APP: variants seen among roughly 807,000 people sequenced by gnomAD.
APP encodes the protein amyloid-beta precursor protein.
A neutral mutation model predicts 101.4 loss-of-function variants in APP; 31 were observed. The ratio of observed to expected loss-of-function variants is 0.31; its 90% CI spans 0.23 to 0.41. The LOEUF (loss-of-function observed/expected upper bound fraction) is 0.41, where lower values mean the gene tolerates loss of function less well. Ranked by LOEUF, APP falls within the 10% of genes least tolerant of loss-of-function variation. APP has a pLI of 1.00. For synonymous variants in APP, 366 were observed against 364.4 expected (o/e 1.00, Z -0.05); for missense variants, 839 against 1,003.7 (o/e 0.84, Z 2.22).
intron 13 of APP, among the ~76,000 whole-genome samples, chr21:25,929,641 GA>G (rs1253939180): frequency 6.6e-6 from 1 of 151,972 alleles, no homozygotes; most frequent in Non-Finnish European, 1.5e-5. Flanking sequence ...GAATGAATTG[GA>G]AAAAATGAAA....
At chr21:25,983,757 G>A (rs915685422) in intron 8 of APP, among the ~76,000 whole-genome samples, 5 of 152,214 alleles carry the variant, frequency 3.3e-5, no homozygotes, top group African/African-American at 1.2e-4. Flanking sequence ...GTGGAAGGAA[G>A]GAGGCAGGGC....
chr21:26,132,929 T>C (rs2062824229), intron 1 of APP, among the ~76,000 whole-genome samples: 4 of 152,144 alleles, frequency 2.6e-5, no homozygotes, highest in Admixed American at 2.6e-4. Context: ...TGAAACTCAA[T>C]GTCAAAGAGA....
At chr21:26,093,968 G>A (rs1255992028) in intron 2 of APP, among the ~76,000 whole-genome samples, 1 of 152,032 alleles carries the variant, frequency 6.6e-6, no homozygotes, top group Admixed American at 6.5e-5. Flanking sequence ...ACAAAAATTA[G>A]CTGGGCGTCA....
At chr21:25,975,306 C>T in intron 10 of APP, 78 bp from the exon 11 acceptor site, 1 of 1,574,012 alleles carries the variant, frequency 6.4e-7, no homozygotes, top group Non-Finnish European at 8.7e-7. Context: ...CTAAAAAAGA[C>T]ATCCTATTCC....
chr21:26,145,146 T>C (rs2063128418), intron 1 of APP, among the ~76,000 whole-genome samples: 1 of 152,112 alleles, frequency 6.6e-6, no homozygotes, highest in African/African-American at 2.4e-5. Context: ...GGGAGAACTA[T>C]CAAAAGCTGG....
At chr21:26,161,913 G>T (rs2063498468) in intron 1 of APP, among the ~76,000 whole-genome samples, 1 of 151,316 alleles carries the variant, frequency 6.6e-6, no homozygotes, top group Non-Finnish European at 1.5e-5. Context: ...AGTAGATGAG[G>T]ATTTTTTTTT....
chr21:26,072,971 G>A (rs905254937), intron 3 of APP, among the ~76,000 whole-genome samples: 1 of 152,062 alleles, frequency 6.6e-6, no homozygotes, highest in Non-Finnish European at 1.5e-5. Flanking sequence ...AGGAACTGGT[G>A]TACATCTTAG....
intron 3 of APP, among the ~76,000 whole-genome samples, chr21:26,062,518 T>G (rs916300561): frequency 6.6e-6 from 1 of 151,096 alleles, no homozygotes; most frequent in Non-Finnish European, 1.5e-5. Flanking sequence ...CAAAATTAGC[T>G]GGGCATGGTG....
chr21:26,060,611 C>T (rs1449419432), intron 3 of APP, among the ~76,000 whole-genome samples: 2 of 152,048 alleles, frequency 1.3e-5, no homozygotes, highest in Non-Finnish European at 2.9e-5. Flanking sequence ...ATAGATAAAG[C>T]AGAGAAAGGG....
Position 25,976,039 on chromosome 21 carries a change from A to C in APP, c.1225-11T>G, listed in dbSNP as rs201326163. On this transcript the variant is annotated splice_polypyrimidine_tract_variant and intron_variant, in intron 9 of 17. Transcript: ENST00000346798. ...CCATTCTCTCATGACCTATAAATTA[A>C]GGAAACATTTGAATTTAAAATCATC... 6.2e-7 allele frequency: 1 copy of C among 1,607,978 alleles called. No homozygotes were observed. The highest frequency in any genetic ancestry group is 1.3e-5 in the African/African-American group (1 of 74,958).
chr21:26,013,949 T>A lies in APP; in HGVS notation c.865+7891A>T, dbSNP rs180865670. 2.6e-4 allele frequency among the ~76,000 whole-genome samples: 40 copies of A among 152,304 alleles called. No homozygotes were observed. The East Asian group carries it at 7.1e-3, about 27-fold the overall frequency. Reference sequence around the variant, plus strand: ...TGACATGGGGCACAAAATAACAGGCTGTTACCTGTCACATCTATGGTCAGT... The same window carrying A: ...TGACATGGGGCACAAAATAACAGGCAGTTACCTGTCACATCTATGGTCAGT... On this transcript the variant is annotated intron_variant, in intron 6 of 17. Coordinates refer to ENST00000346798, the MANE Select transcript of APP (RefSeq NM_000484.4).
At chr21:26,017,883 T>G (rs954443014) in intron 6 of APP, among the ~76,000 whole-genome samples, 4 of 152,210 alleles carry the variant, frequency 2.6e-5, no homozygotes, top group Non-Finnish European at 4.4e-5. Flanking sequence ...AAGTATTTTT[T>G]TAACAACCAA....
intron 16 of APP, 29 bp downstream of exon 16, chr21:25,897,544 A>G (rs1242345249): frequency 3.3e-6 from 5 of 1,509,736 alleles, no homozygotes; most frequent in South Asian, 1.1e-5. Context: ...GACAAACAGT[A>G]GTGGAAAGAG....
chr21:26,032,887 C>T (rs774230697), intron 5 of APP, among the ~76,000 whole-genome samples: 1 of 151,690 alleles, frequency 6.6e-6, no homozygotes, highest in Non-Finnish European at 1.5e-5. Context: ...AGGCTCAGAG[C>T]CCTGCAGAGA....
chr21:26,133,740 C>A (rs2054360450), intron 1 of APP, among the ~76,000 whole-genome samples: 1 of 152,168 alleles, frequency 6.6e-6, no homozygotes, highest in African/African-American at 2.4e-5. Context: ...CCACTGCACT[C>A]CAGCCTGGGC....
intron 3 of APP, among the ~76,000 whole-genome samples, chr21:26,058,147 G>A (rs1053842366): frequency 9.9e-5 from 15 of 152,178 alleles, no homozygotes; most frequent in African/African-American, 3.1e-4. Flanking sequence ...TTTTATCCTC[G>A]TGTTTTATGG....
At position 26,093,534 on chromosome 21, in the gene APP, A is replaced by G. The variant is rs79693495; in HGVS notation, c.226-3462T>C. 9.1e-3 allele frequency among the ~76,000 whole-genome samples: 1,383 copies of G among 152,312 alleles called. 58 individuals carry two copies. In the East Asian group the frequency reaches 0.12, roughly 13 times the overall value. The stretch of plus-strand genomic sequence containing the variant: ...CTCTTTTTCATGTTGGTTGCATACC[A>G]TCTTCAGATTCCTATGGTAATAGTT... On this transcript the variant is annotated intron_variant, in intron 2 of 17. Coordinates refer to ENST00000346798, the MANE Select transcript of APP (RefSeq NM_000484.4).
At chr21:26,054,899 G>C (rs760818067) in intron 3 of APP, among the ~76,000 whole-genome samples, 28 of 152,172 alleles carry the variant, frequency 1.8e-4, no homozygotes, top group African/African-American at 2.6e-4. Flanking sequence ...GCCCTAAGAA[G>C]GGGAAGGAAG....
intron 5 of APP, 118 bp from the exon 6 acceptor site, chr21:26,022,160 A>C (rs534163291): frequency 1.7e-6 from 2 of 1,181,028 alleles, no homozygotes; most frequent in Non-Finnish European, 2.5e-6. Context: ...CAAAACTTCA[A>C]TTCAGCAGGT....
Sources: allele counts gnomAD v4.1 joint callset (sites outside exome capture counted in the v4.1 genomes callset), GRCh38; gene constraint gnomAD v4.1.1; transcripts MANE v1.5; gene names NCBI Gene and HGNC (gene_info 2026-07-23, HGNC 2026-07-21).